The following CYP4X1 variants were observed in gnomAD, a reference collection of about 807,000 sequenced individuals.
CYP4X1 encodes cytochrome P450 family 4 subfamily X member 1, also known as cytochrome P450 4X1.
Under a neutral mutation model 57.9 loss-of-function variants are expected in CYP4X1, and 44 were observed. That is an observed-to-expected ratio of 0.76 (90% confidence interval 0.60 to 0.98). CYP4X1 has a LOEUF of 0.98. CYP4X1 is among the 50% of genes least tolerant of loss of function. The pLI is 0.00. For missense variants in CYP4X1, 532 were observed against 623.9 expected (o/e 0.85, Z 1.57); for synonymous variants, 227 against 228.6 (o/e 0.99, Z 0.06).
chr1:46,980,061 T>C, the CYP4X1 span, among the ~76,000 whole-genome samples: 1 of 152,174 alleles, frequency 6.6e-6, no homozygotes, highest in South Asian at 2.1e-4. Context: ...CTTTGAAAAC[T>C]GGCACAAGAC....
chr1:46,967,809 CA>C, the CYP4X1 span: 1 of 1,359,266 alleles, frequency 7.4e-7, no homozygotes. Flanking sequence ...CAAAGCGGAG[CA>C]GGGTCAGGGC....
chr1:47,042,064 C>A (rs1644252377), intron 8 of CYP4X1, among the ~76,000 whole-genome samples: 1 of 151,944 alleles, frequency 6.6e-6, no homozygotes, highest in Non-Finnish European at 1.5e-5. Context: ...GTTACTGGAA[C>A]CTTTGTAGAT....
chr1:47,007,367 C>T, the CYP4X1 span, among the ~76,000 whole-genome samples: 1 of 152,184 alleles, frequency 6.6e-6, no homozygotes, highest in Non-Finnish European at 1.5e-5. Context: ...GCTGAGGGTC[C>T]TGACTGTTAG....
chr1:47,009,025 C>T, the CYP4X1 span, among the ~76,000 whole-genome samples: 1 of 152,160 alleles, frequency 6.6e-6, no homozygotes, highest in East Asian at 1.9e-4. Flanking sequence ...AGAAAGTTAA[C>T]AAGGATATCC....
the CYP4X1 span, among the ~76,000 whole-genome samples, chr1:46,992,608 T>C: frequency 1.3e-5 from 2 of 152,252 alleles, no homozygotes; most frequent in African/African-American, 4.8e-5. Context: ...GATGAAATAA[T>C]ATTGTATGTA....
At chr1:47,002,136 C>T in the CYP4X1 span, among the ~76,000 whole-genome samples, 1 of 152,224 alleles carries the variant, frequency 6.6e-6, no homozygotes, top group African/African-American at 2.4e-5. Context: ...GATAAGGGAG[C>T]AATGTGTCTG....
At chr1:47,001,549 T>C in the CYP4X1 span, among the ~76,000 whole-genome samples, 1 of 152,124 alleles carries the variant, frequency 6.6e-6, no homozygotes, top group Non-Finnish European at 1.5e-5. Flanking sequence ...GGAGGCTTCC[T>C]AGAGGGGCAG....
the CYP4X1 span, among the ~76,000 whole-genome samples, chr1:47,017,618 C>A: frequency 6.6e-6 from 1 of 152,164 alleles, no homozygotes; most frequent in Non-Finnish European, 1.5e-5. Context: ...CTGTTTAGGG[C>A]AAACCTGCCT....
chr1:47,035,187 T>C (rs1644166749), intron 4 of CYP4X1, among the ~76,000 whole-genome samples: 1 of 151,944 alleles, frequency 6.6e-6, no homozygotes, highest in Admixed American at 6.5e-5. Context: ...TACAAATACA[T>C]TTTCAACCAG....
intron 6 of CYP4X1, among the ~76,000 whole-genome samples, chr1:47,038,160 A>G (rs530031385): frequency 4.6e-5 from 7 of 152,334 alleles, no homozygotes; most frequent in African/African-American, 1.7e-4. Flanking sequence ...GAGAGTTCTC[A>G]TATTACCCAT....
chr1:46,975,340 C>G, the CYP4X1 span, among the ~76,000 whole-genome samples: 1 of 152,124 alleles, frequency 6.6e-6, no homozygotes, highest in Non-Finnish European at 1.5e-5. Context: ...CCCCTGGGAC[C>G]TTTTGTAAGG....
intron 1 of CYP4X1, 32 bp downstream of exon 1, chr1:47,024,026 G>A (rs763953294): frequency 8.8e-6 from 14 of 1,593,430 alleles, no homozygotes; most frequent in South Asian, 1.1e-5. Context: ...GGAAGGAGGA[G>A]GGAGGGGCGG....
intron 11 of CYP4X1, 80 bp downstream of exon 11, chr1:47,049,584 T>A: frequency 8.0e-7 from 1 of 1,250,528 alleles, no homozygotes; most frequent in Non-Finnish European, 1.2e-6. Flanking sequence ...TCCTCAGCTC[T>A]ATACATTCTT....
chr1:46,961,912 A>G, the CYP4X1 span, among the ~76,000 whole-genome samples: 1 of 152,056 alleles, frequency 6.6e-6, no homozygotes. Flanking sequence ...GAGTCAGAGA[A>G]GGGGAGAGGA....
the CYP4X1 span, among the ~76,000 whole-genome samples, chr1:46,979,301 C>T: frequency 2.0e-5 from 3 of 152,198 alleles, no homozygotes; most frequent in Non-Finnish European, 2.9e-5. Flanking sequence ...GATATCACCG[C>T]TGATCCCACA....
In CYP4X1 at chr1:47,046,597, G is replaced by T. The variant is rs776736370; in HGVS notation, c.1204G>T (p.Ala402Ser). Residue 402 changes from alanine (A) to serine (S), a missense_variant, in exon 9 of 12, where the codon GCA (alanine) becomes TCA (serine). Ala to Ser is a moderately conservative substitution (Grantham distance 99). Transcript: ENST00000371901. The stretch of plus-strand genomic sequence containing the variant: ...CTTCCCAGATGGATGCACATTGCCT[G>T]CAGGTCTTTACATTCTTTTCCTAAG... ...LTFPDGCTLP[A>S]GITVVLSIWG... 1 of 1,614,108 alleles carries T rather than the reference G, an allele frequency of 6.2e-7. No individual in the cohort carries two copies. The highest frequency in any genetic ancestry group is 8.5e-7 in the Non-Finnish European group (1 of 1,180,016).
At chr1:47,054,144 C>T (rs1040637984), downstream of CYP4X1, among the ~76,000 whole-genome samples, 1 of 151,378 alleles carries the variant, frequency 6.6e-6, no homozygotes, top group African/African-American at 2.4e-5. Context: ...TATGGCTAGC[C>T]AGTTTTCCCA....
At chr1:47,012,033 A>G in the CYP4X1 span, among the ~76,000 whole-genome samples, 99 of 152,352 alleles carry the variant, frequency 6.5e-4, no homozygotes, top group African/African-American at 2.1e-3. Flanking sequence ...TAGAAATACC[A>G]TTTGACCCTG....
At position 47,046,457 on chromosome 1, in the gene CYP4X1, A is replaced by C; in HGVS notation, c.1074-10A>C. ...GATATCTGAGTCCCTTCCCTCCCTCATCCTCACAGGGACCAGCTGGGTGAG... is the reference window on the plus strand; with the variant it reads ...GATATCTGAGTCCCTTCCCTCCCTCCTCCTCACAGGGACCAGCTGGGTGAG... On this transcript the variant is annotated splice_polypyrimidine_tract_variant and intron_variant, in intron 8 of 11. Coordinates refer to ENST00000371901, the MANE Select transcript of CYP4X1 (RefSeq NM_178033.2). The C allele has an allele frequency of 1.2e-6, 2 of 1,613,914 alleles. No homozygotes were observed. Among genetic ancestry groups the C allele is most frequent in the East Asian group, 2.2e-5 (1 of 44,876 alleles).
Sources: gnomAD v4.1 joint callset for allele counts (sites outside exome capture counted in the v4.1 genomes callset) on GRCh38, gnomAD v4.1.1 for gene constraint, MANE v1.5 for transcripts, NCBI Gene and HGNC (gene_info 2026-07-23, HGNC 2026-07-21) for gene names.